Variants in SNTG2 observed in about 807,000 individuals in gnomAD.
The protein encoded by SNTG2 is syntrophin gamma 2.
SNTG2 carries 74 observed loss-of-function variants against 70.9 expected under a neutral mutation model. That is an observed-to-expected ratio of 1.04 (90% CI 0.86 to 1.27). The LOEUF (loss-of-function observed/expected upper bound fraction) is 1.27. Among genes scored for constraint, SNTG2 ranks in the 50% most tolerant of loss-of-function variants. The pLI, the probability that SNTG2 is intolerant of heterozygous loss-of-function variation, is 0.00. For synonymous variants in SNTG2, 278 were observed against 273.8 expected (o/e 1.02, Z -0.15); for missense variants, 717 against 690.7 (o/e 1.04, Z -0.43).
At chr2:1,025,787 A>C (rs1459691339) in intron 1 of SNTG2, among the ~76,000 whole-genome samples, 1 of 152,186 alleles carries the variant, frequency 6.6e-6, no homozygotes, top group Non-Finnish European at 1.5e-5. Flanking sequence ...CTCATCTGCA[A>C]TGTCCCCCTG....
At chr2:1,357,486 A>G (rs1573025525) in intron 16 of SNTG2, among the ~76,000 whole-genome samples, 1 of 152,294 alleles carries the variant, frequency 6.6e-6, no homozygotes, top group East Asian at 1.9e-4. Flanking sequence ...TCAGTTGACT[A>G]GTAGTGCCTT....
intron 4 of SNTG2, among the ~76,000 whole-genome samples, chr2:1,130,334 T>G (rs1001414163): frequency 1.3e-5 from 2 of 152,190 alleles, no homozygotes; most frequent in Admixed American, 6.5e-5. Flanking sequence ...AGCAATATGG[T>G]TTCCTCAGTT....
rs562752835 is a variant in SNTG2 at position 1,209,384 on chromosome 2, TTAAAGA to T, written c.719+161_719+166del. On this transcript the variant is annotated intron_variant, in intron 9 of 16. Transcript: ENST00000308624. ...AGATTTAGCATTTGGAATAAACAAG[TTAAAGA>T]TAAAGAGAAAATGAGAAGTCAGGTA... Among the ~76,000 whole-genome samples, 19 of 152,242 alleles carry T rather than the reference TTAAAGA, an allele frequency of 1.2e-4. No individual in the cohort carries two copies. In the East Asian group the frequency reaches 1.9e-3, roughly 15 times the overall value.
chr2:957,306 A>G (rs549618067), intron 1 of SNTG2, among the ~76,000 whole-genome samples: 2 of 152,128 alleles, frequency 1.3e-5, no homozygotes, highest in South Asian at 2.1e-4. Context: ...AACACTAGAA[A>G]TTTTACCACC....
intron 1 of SNTG2, among the ~76,000 whole-genome samples, chr2:970,039 A>T (rs1660686802): frequency 6.6e-6 from 1 of 152,128 alleles, no homozygotes; most frequent in Non-Finnish European, 1.5e-5. Flanking sequence ...ATATACCTTC[A>T]TTGCCTAGTT....
At chr2:1,212,511 A>C (rs759081760) in intron 9 of SNTG2, among the ~76,000 whole-genome samples, 1 of 152,254 alleles carries the variant, frequency 6.6e-6, no homozygotes, top group Non-Finnish European at 1.5e-5. Context: ...TGAAAGGTTT[A>C]TAATTTTTCA....
chr2:1,347,190 C>G (rs543682125), intron 16 of SNTG2, among the ~76,000 whole-genome samples: 227 of 152,292 alleles, frequency 1.5e-3, no homozygotes, highest in Non-Finnish European at 3.0e-3. Context: ...GGCAGGGGCT[C>G]TGGTCCCAGC....
At chr2:1,077,819 G>A in intron 1 of SNTG2, among the ~76,000 whole-genome samples, 1 of 152,128 alleles carries the variant, frequency 6.6e-6, no homozygotes. Context: ...AGTTATCAAA[G>A]CATTACTACA....
chr2:1,355,904 T>G (rs1327251137), intron 16 of SNTG2, among the ~76,000 whole-genome samples: 1 of 152,214 alleles, frequency 6.6e-6, no homozygotes, highest in African/African-American at 2.4e-5. Flanking sequence ...TGAGGTAGTG[T>G]CTCAGTGTGG....
At chr2:1,092,607 T>C (rs185834536) in intron 2 of SNTG2, among the ~76,000 whole-genome samples, 9 of 152,366 alleles carry the variant, frequency 5.9e-5, no homozygotes, top group Non-Finnish European at 8.8e-5. Context: ...GTCCACAGTT[T>C]AAATATCTGA....
At chr2:1,059,397 C>A (rs1662671006) in intron 1 of SNTG2, 3 of 151,830 alleles carry the variant, frequency 2.0e-5, no homozygotes, top group African/African-American at 7.3e-5. Flanking sequence ...GTCAAGATAT[C>A]TGTGTAAACA....
chr2:1,203,029 A>T (rs1168337120), intron 8 of SNTG2, among the ~76,000 whole-genome samples: 1 of 152,172 alleles, frequency 6.6e-6, no homozygotes, highest in Non-Finnish European at 1.5e-5. Flanking sequence ...ATTAGTAAAG[A>T]TGTAGAAGAA....
chr2:1,177,007 T>A (rs1235515837), intron 8 of SNTG2, among the ~76,000 whole-genome samples: 2 of 152,194 alleles, frequency 1.3e-5, no homozygotes, highest in Non-Finnish European at 2.9e-5. Flanking sequence ...TGCAAATTAT[T>A]CTATTACAAT....
chr2:1,228,054 GTGTC>G (rs1185457414), intron 9 of SNTG2, among the ~76,000 whole-genome samples: 1 of 152,196 alleles, frequency 6.6e-6, no homozygotes, highest in African/African-American at 2.4e-5. Flanking sequence ...TGGGGTCTGA[GTGTC>G]TGAGTGCTGC....
chr2:1,251,964 T>A (rs977146238), intron 12 of SNTG2, among the ~76,000 whole-genome samples: 2 of 152,146 alleles, frequency 1.3e-5, no homozygotes, highest in African/African-American at 4.8e-5. Context: ...TGCTGGATCT[T>A]TGTAAGTTTG....
At chr2:969,956 A>G (rs774103055) in intron 1 of SNTG2, among the ~76,000 whole-genome samples, 2 of 152,136 alleles carry the variant, frequency 1.3e-5, no homozygotes, top group East Asian at 1.9e-4. Flanking sequence ...CTCCAGGGGA[A>G]CTTCCAGCTT....
intron 4 of SNTG2, among the ~76,000 whole-genome samples, chr2:1,124,037 T>TC (rs200064010): frequency 0.022 from 3,276 of 151,904 alleles, 125 homozygotes; most frequent in East Asian, 0.083. Flanking sequence ...AGGAAGAATT[T>TC]TTTTTAAGTT....
intron 9 of SNTG2, among the ~76,000 whole-genome samples, chr2:1,223,852 G>GATGGGTGGCCTTACGCAGCACACAC (rs1205940234): frequency 2.0e-5 from 3 of 148,810 alleles, no homozygotes; most frequent in African/African-American, 7.8e-5. Context: ...TAGTTCCACA[G>GATGGGTGGCCTTACGCAGCACACAC]ATGGGTGGCC....
In SNTG2 at chr2:990,877, G is replaced by A. The variant is rs185459840; in HGVS notation, c.72+39809G>A. Reference sequence around the variant, plus strand: ...CTTTTCTTAGAAAAAAAAAAAGAATGAGAAAATTCACCTTTTAAAATAGTC... The same window carrying A: ...CTTTTCTTAGAAAAAAAAAAAGAATAAGAAAATTCACCTTTTAAAATAGTC... On this transcript the variant is annotated intron_variant, in intron 1 of 16. Coordinates refer to ENST00000308624, the MANE Select transcript of SNTG2 (RefSeq NM_018968.4). Among the ~76,000 whole-genome samples the A allele has an allele frequency of 6.6e-5, 10 of 151,736 alleles. No homozygotes were observed. In the East Asian group the frequency reaches 1.9e-3, roughly 29 times the overall value.
Sources: allele counts gnomAD v4.1 joint callset (sites outside exome capture counted in the v4.1 genomes callset), GRCh38; gene constraint gnomAD v4.1.1; transcripts MANE v1.5; gene names NCBI Gene and HGNC (gene_info 2026-07-23, HGNC 2026-07-21).